NT5C3B: variants seen among roughly 807,000 people sequenced by gnomAD.
NT5C3B encodes 7-methylguanosine phosphate-specific 5'-nucleotidase.
NT5C3B carries 28 observed loss-of-function variants against 32.5 expected under a neutral mutation model. The observed-to-expected ratio is 0.86, with a 90% CI of 0.64 to 1.18. NT5C3B has a LOEUF of 1.18. Among genes scored for constraint, NT5C3B ranks in the 50% most tolerant of loss-of-function variants. The pLI is 0.00. For synonymous variants in NT5C3B, 138 were observed against 118.0 expected (o/e 1.17, Z -1.10); for missense variants, 317 against 322.0 (o/e 0.98, Z 0.12).
At chr17:41,831,919 A>G (rs571643174) in intron 5 of NT5C3B, among the ~76,000 whole-genome samples, 83 of 152,228 alleles carry the variant, frequency 5.5e-4, no homozygotes, top group African/African-American at 1.9e-3. Context: ...AGCCAGGCAC[A>G]GTGGCACGTG....
intron 5 of NT5C3B, among the ~76,000 whole-genome samples, 153 bp from the exon 6 acceptor site, chr17:41,831,043 GCA>G (rs1364764282): frequency 6.6e-6 from 1 of 152,190 alleles, no homozygotes; most frequent in African/African-American, 2.4e-5. Context: ...GGGTGGCCGG[GCA>G]CAGTGGTTCA....
intron 4 of NT5C3B, among the ~76,000 whole-genome samples, chr17:41,834,767 A>G (rs973725827): frequency 6.6e-6 from 1 of 152,140 alleles, no homozygotes; most frequent in South Asian, 2.1e-4. Context: ...CAAACAAACA[A>G]GCTCTGCCAT....
intron 5 of NT5C3B, 89 bp from the exon 6 acceptor site, chr17:41,830,979 A>T: frequency 2.4e-6 from 2 of 848,860 alleles, no homozygotes; most frequent in Non-Finnish European, 4.0e-6. Flanking sequence ...GTACCCTCTG[A>T]CAGCATTGCC....
At chr17:41,833,478 A>G (rs1555619354) in intron 4 of NT5C3B, among the ~76,000 whole-genome samples, 1 of 151,910 alleles carries the variant, frequency 6.6e-6, no homozygotes, top group Non-Finnish European at 1.5e-5. Context: ...CACTACGCCC[A>G]GCTAATTTTT....
In NT5C3B at chr17:41,835,087, C is replaced by A. The variant is rs559332646; in HGVS notation, c.211G>T (p.Glu71Ter). 15 of 1,614,158 alleles carry A rather than the reference C, an allele frequency of 9.3e-6. No homozygotes were observed. In the South Asian group the frequency reaches 1.6e-4, roughly 18 times the overall value. Residue 71 changes from glutamate (E) to a stop codon, truncating the protein, a stop_gained, in exon 4 of 9, where the codon GAG (glutamate) becomes TAG (stop). Transcript: ENST00000435506. LOFTEE classifies it high-confidence loss of function. ...CAACCCACCTCTTTCCGACACTCCTCACTGATGATCTTGCTATTATCCAGA... is the reference window on the plus strand; with the variant it reads ...CAACCCACCTCTTTCCGACACTCCTAACTGATGATCTTGCTATTATCCAGA... Reference protein sequence around the residue: ...NILDNSKIISEECRKELTALL... With the variant: ...NILDNSKIIS
At chr17:41,832,018 T>G (rs12941622) in intron 5 of NT5C3B, among the ~76,000 whole-genome samples, 1 of 152,086 alleles carries the variant, frequency 6.6e-6, no homozygotes, top group African/African-American at 2.4e-5. Flanking sequence ...ATCATGCCAT[T>G]GGACTCCAGC....
chr17:41,836,184 C>T lies in NT5C3B; in HGVS notation c.10G>A (p.Glu4Lys). 7.9e-7 allele frequency: 1 copy of T among 1,261,910 alleles called. No homozygotes were observed. Among genetic ancestry groups the T allele is most frequent in the Admixed American group, 4.2e-5 (1 of 23,924 alleles). The allele number at this position is 1,261,910 out of a possible 1,614,324, so 78.2% of individuals were successfully genotyped here. A position where few individuals can be genotyped will look rare whatever the true frequency, so the allele number is the denominator to read the frequency against. Residue 4 changes from glutamate to lysine, a missense_variant and splice_region_variant, in exon 1 of 9, where the codon GAG (glutamate) becomes AAG (lysine). Transcript: ENST00000435506. ...CCGGACGCTTCCTCCCTCCTCACCT[C>T]CTCTGCCATCCCGTTCGAGGCCTGG... is the stretch of plus-strand genomic sequence containing the variant. MAE[E>K]VSTLMKATVL...
At chr17:41,832,705 T>TA in intron 4 of NT5C3B, 1 of 339,366 alleles carries the variant, frequency 2.9e-6, no homozygotes, top group Admixed American at 4.1e-5. Flanking sequence ...CTGTCTCTAC[T>TA]AAAAAATACA....
chr17:41,833,403 G>T (rs902776211), intron 4 of NT5C3B, among the ~76,000 whole-genome samples: 1 of 151,810 alleles, frequency 6.6e-6, no homozygotes, highest in South Asian at 2.1e-4. Flanking sequence ...TGCAACCTCC[G>T]CCTCCCGGGT....
chr17:41,832,474 TGA>T lies in NT5C3B; in HGVS notation c.230_231del (p.Leu77HisfsTer11). 6.2e-7 allele frequency: 1 copy of T among 1,613,314 alleles called. No homozygotes were observed. The highest frequency in any genetic ancestry group is 8.5e-7 in the Non-Finnish European group (1 of 1,179,448). On this transcript the variant is annotated frameshift_variant and splice_region_variant, in exon 5 of 9. Coordinates refer to ENST00000435506, the MANE Select transcript of NT5C3B (RefSeq NM_052935.5). LOFTEE classifies it high-confidence loss of function. ...GGGTAATAGTGGTGAAGGAGCGCTG[TGA>T]GCTGGGATATCCAAATGGGGAGAAA... The part of the protein sequence containing the change: ...KIISEECRKE[L>X]TALLHHYYPI...
intron 2 of NT5C3B, 106 bp from the exon 3 acceptor site, chr17:41,835,378 G>T: frequency 2.1e-6 from 2 of 935,600 alleles, no homozygotes; most frequent in Non-Finnish European, 3.4e-6. Flanking sequence ...TCAGTGGCCA[G>T]GATGTAGGCA....
chr17:41,832,146 T>TC (rs1280032848), intron 5 of NT5C3B, among the ~76,000 whole-genome samples: 1 of 152,156 alleles, frequency 6.6e-6, no homozygotes, highest in Non-Finnish European at 1.5e-5. Context: ...AAAGCACTTA[T>TC]CCCCCAACAC....
intron 5 of NT5C3B, among the ~76,000 whole-genome samples, chr17:41,831,169 A>G (rs546088683): frequency 2.6e-5 from 4 of 152,194 alleles, no homozygotes; most frequent in African/African-American, 4.8e-5. Flanking sequence ...AAATACAAAA[A>G]TTAGCTGGGC....
At chr17:41,836,161 G>A in intron 1 of NT5C3B, 21 bp downstream of exon 1, 1 of 1,300,682 alleles carries the variant, frequency 7.7e-7, no homozygotes, top group Non-Finnish European at 9.7e-7. Context: ...GCCCCACTCC[G>A]GACGCTTCCT....
In NT5C3B at chr17:41,825,193, T is replaced by G; in HGVS notation, c.*330A>C. 4.8e-6 allele frequency: 1 copy of G among 207,220 alleles called. No individual in the cohort carries two copies. The highest frequency in any genetic ancestry group is 1.7e-4 in the South Asian group (1 of 5,862). 12.8% of individuals were successfully genotyped at this position (207,220 alleles called of 1,614,324 possible). ...GAATCAGAGCAGCTTTTTTTTCATT[T>G]TAAAAATTTTGATCTGTTTCACACA... On this transcript the variant is annotated 3_prime_UTR_variant, in exon 9 of 9. Transcript: ENST00000435506.
Position 41,828,007 on chromosome 17 carries a change from C to G in NT5C3B, c.568-381G>C, listed in dbSNP as rs116337381. On this transcript the variant is annotated intron_variant, in intron 7 of 8. Transcript: ENST00000435506. ...CACCCAATATTGCAGATCATCTGTT[C>G]TGGTGGATGCACGAAGCTGTGATAT... Among the ~76,000 whole-genome samples, 308 of 152,310 alleles carry G rather than the reference C, an allele frequency of 2.0e-3. 3 individuals carry two copies. The highest frequency in any genetic ancestry group is 7.1e-3 in the African/African-American group (296 of 41,558).
At chr17:41,829,073 G>A in intron 6 of NT5C3B, 121 bp from the exon 7 acceptor site, 1 of 794,556 alleles carries the variant, frequency 1.3e-6, no homozygotes, top group South Asian at 1.9e-5. Flanking sequence ...CCAGGCTGGA[G>A]GGCAGTGGCA....
At chr17:41,828,301 C>T (rs1373448088) in intron 7 of NT5C3B, 1 of 156,162 alleles carries the variant, frequency 6.4e-6, no homozygotes, top group Non-Finnish European at 1.4e-5. Flanking sequence ...GACTGTCAGG[C>T]AAACACCAAA....
intron 7 of NT5C3B, 162 bp downstream of exon 7, chr17:41,828,628 C>T (rs1205607639): frequency 2.1e-5 from 14 of 653,630 alleles, no homozygotes; most frequent in African/African-American, 1.3e-4. Context: ...TGAGCCACCG[C>T]GCCTGGCCAA....
Sources: gnomAD v4.1 joint callset for allele counts (sites outside exome capture counted in the v4.1 genomes callset) on GRCh38, gnomAD v4.1.1 for gene constraint, MANE v1.5 for transcripts, NCBI Gene and HGNC (gene_info 2026-07-23, HGNC 2026-07-21) for gene names.